The following GRM3 variants were observed in gnomAD, a reference collection of about 807,000 sequenced individuals.
The protein encoded by GRM3 is metabotropic glutamate receptor 3.
Under a neutral mutation model 70.5 loss-of-function variants are expected in GRM3, and 26 were observed. The ratio of observed to expected loss-of-function variants is 0.37; its 90% CI spans 0.27 to 0.51. The LOEUF (loss-of-function observed/expected upper bound fraction) is 0.51, where lower values mean the gene tolerates loss of function less well. Among genes scored for constraint, GRM3 ranks in the 20% least tolerant of loss-of-function variants. GRM3 has a pLI of 0.93. For missense variants in GRM3, 859 were observed against 1,123.8 expected, an observed-to-expected ratio of 0.76 and a Z score of 3.37; for synonymous variants, 443 against 434.9, an observed-to-expected ratio of 1.02 and a Z score of -0.23.
intron 3 of GRM3, among the ~76,000 whole-genome samples, chr7:86,824,626 T>C (rs1798194312): frequency 6.6e-6 from 1 of 152,176 alleles, no homozygotes; most frequent in African/African-American, 2.4e-5. Flanking sequence ...GCTTCATAAT[T>C]ACACACCTAG....
intron 5 of GRM3, among the ~76,000 whole-genome samples, chr7:86,862,484 T>C (rs1798978828): frequency 6.6e-6 from 1 of 152,142 alleles, no homozygotes; most frequent in Non-Finnish European, 1.5e-5. Flanking sequence ...AATTTCTTCA[T>C]TGTAGCAGTT....
chr7:86,857,968 A>AT (rs397842626), intron 5 of GRM3, among the ~76,000 whole-genome samples: 3 of 122,412 alleles, frequency 2.5e-5, no homozygotes, highest in East Asian at 2.1e-4. Flanking sequence ...ATTTTATTTT[A>AT]TTTTTTGAGA....
chr7:86,701,654 T>C (rs1425165061), intron 1 of GRM3, among the ~76,000 whole-genome samples: 3 of 152,112 alleles, frequency 2.0e-5, no homozygotes, highest in Non-Finnish European at 4.4e-5. Flanking sequence ...GTGTAACTAC[T>C]CAAACTTATT....
intron 3 of GRM3, among the ~76,000 whole-genome samples, chr7:86,820,763 C>A (rs1798103242): frequency 6.6e-6 from 1 of 152,074 alleles, no homozygotes; most frequent in African/African-American, 2.4e-5. Context: ...TATCAAAAAT[C>A]TTTTATGTTC....
At chr7:86,767,463 A>G (rs1796628119) in intron 2 of GRM3, among the ~76,000 whole-genome samples, 1 of 148,492 alleles carries the variant, frequency 6.7e-6, no homozygotes, top group Admixed American at 6.8e-5. Flanking sequence ...ACTTGGATAA[A>G]GAGAGATGAA....
At chr7:86,725,626 C>G (rs994585908) in intron 1 of GRM3, among the ~76,000 whole-genome samples, 2 of 152,146 alleles carry the variant, frequency 1.3e-5, no homozygotes, top group African/African-American at 4.8e-5. Context: ...TAGGACAGCT[C>G]TCTTTGGAAA....
At chr7:86,817,583 A>G (rs1241173178) in intron 3 of GRM3, among the ~76,000 whole-genome samples, 1 of 151,958 alleles carries the variant, frequency 6.6e-6, no homozygotes, top group Non-Finnish European at 1.5e-5. Context: ...ATTATGGAAA[A>G]TTTAAAGTAC....
At chr7:86,731,885 C>T (rs1795743135) in intron 1 of GRM3, among the ~76,000 whole-genome samples, 1 of 152,118 alleles carries the variant, frequency 6.6e-6, no homozygotes, top group South Asian at 2.1e-4. Context: ...ATGACCAAGG[C>T]TAGTGACTGA....
rs1408066072 is a variant in GRM3, at chr7:86,765,220, C to A, written c.75C>A (p.Asp25Glu). The A allele has an allele frequency of 5.0e-6, 8 of 1,613,194 alleles. No individual in the cohort carries two copies. The highest frequency in any genetic ancestry group is 2.2e-5 in the South Asian group (2 of 91,034). Reference sequence around the variant, plus strand: ...AGGGATTTTTACTCTCTTTAGGGGACCATAACTTTCTAAGGAGAGAGATTA... The same window carrying A: ...AGGGATTTTTACTCTCTTTAGGGGAACATAACTTTCTAAGGAGAGAGATTA... ...FSKGFLLSLG[D>E]HNFLRREIKI... is the part of the protein sequence containing the mutation. Residue 25 changes from aspartate to glutamate, a missense_variant, in exon 2 of 6, where the codon GAC becomes GAA. Physicochemically the swap from Asp to Glu is conservative, Grantham distance 45. Transcript: ENST00000361669.
Position 86,786,209 on chromosome 7 carries a change from C to T in GRM3, c.469-52C>T. 1 of 1,496,318 alleles carries T rather than the reference C, an allele frequency of 6.7e-7. No individual in the cohort carries two copies. The highest frequency in any genetic ancestry group is 9.1e-7 in the Non-Finnish European group (1 of 1,098,186). The allele number at this position is 1,496,318 out of a possible 1,614,324, so 92.7% of individuals were successfully genotyped here. A position where few individuals can be genotyped will look rare whatever the true frequency, so the allele number is the denominator to read the frequency against. Reference sequence around the variant, plus strand: ...GGATGCTATTATTCATTTTCATGTCCAGTCATCTACCTCGGGGTTTCTAAC... The same window carrying T: ...GGATGCTATTATTCATTTTCATGTCTAGTCATCTACCTCGGGGTTTCTAAC... On this transcript the variant is annotated intron_variant, in intron 2 of 5. Transcript: ENST00000361669. The surrounding 1 kb of genome is among the most constrained non-coding windows in gnomAD (Gnocchi z 6.0).
At chr7:86,689,696 T>C (rs1794653709) in intron 1 of GRM3, among the ~76,000 whole-genome samples, 1 of 152,106 alleles carries the variant, frequency 6.6e-6, no homozygotes, top group Non-Finnish European at 1.5e-5. Context: ...GAAGTAACTT[T>C]TGAATTAAAA....
intron 1 of GRM3, among the ~76,000 whole-genome samples, chr7:86,689,105 C>A (rs116643110): frequency 0.033 from 5,053 of 150,896 alleles, 274 homozygotes; most frequent in African/African-American, 0.12. Flanking sequence ...GAAAGGGAAC[C>A]AAGACATTAA....
chr7:86,773,180 T>C (rs577248484), intron 2 of GRM3, among the ~76,000 whole-genome samples: 1 of 152,092 alleles, frequency 6.6e-6, no homozygotes, highest in East Asian at 1.9e-4. Context: ...GTTCCCAGTG[T>C]CTACTGTTGC....
At chr7:86,655,820 C>CTGTGTGTGTG (rs371609030) in intron 1 of GRM3, among the ~76,000 whole-genome samples, 25 of 144,550 alleles carry the variant, frequency 1.7e-4, no homozygotes, top group Admixed American at 1.7e-3. Context: ...AAGGCTAACT[C>CTGTGTGTGTG]TGTGTGTGTG....
intron 3 of GRM3, among the ~76,000 whole-genome samples, chr7:86,833,710 G>A (rs1798401703): frequency 6.6e-6 from 1 of 152,146 alleles, no homozygotes; most frequent in African/African-American, 2.4e-5. Flanking sequence ...GACATATGTG[G>A]TTCACCTTTT....
intron 3 of GRM3, among the ~76,000 whole-genome samples, chr7:86,803,554 AAATAAAGTAAGAGT>A (rs1384219930): frequency 1.3e-5 from 2 of 152,226 alleles, no homozygotes; most frequent in Admixed American, 6.5e-5. Context: ...ACACTTTTAG[AAATAAAGTAAGAGT>A]AATTAATTTG....
chr7:86,668,946 T>C (rs1219673623), intron 1 of GRM3, among the ~76,000 whole-genome samples: 1 of 152,146 alleles, frequency 6.6e-6, no homozygotes, highest in East Asian at 1.9e-4. Context: ...TGCTTTCTCA[T>C]AACTGTGGGT....
At chr7:86,746,543 T>C (rs1361493578) in intron 1 of GRM3, among the ~76,000 whole-genome samples, 2 of 151,460 alleles carry the variant, frequency 1.3e-5, no homozygotes, top group Non-Finnish European at 2.9e-5. Flanking sequence ...CTCAACACCT[T>C]TATTCTACAA....
chr7:86,716,099 A>G (rs980897974), intron 1 of GRM3, among the ~76,000 whole-genome samples: 8 of 152,020 alleles, frequency 5.3e-5, no homozygotes, highest in African/African-American at 1.9e-4. Flanking sequence ...GTCATTTGAC[A>G]GGTGGATGGT....
Sources: gnomAD v4.1 joint callset for allele counts (sites outside exome capture counted in the v4.1 genomes callset) on GRCh38, gnomAD v4.1.1 for gene constraint, Gnocchi (gnomAD v3.1) non-coding constraint, MANE v1.5 for transcripts, NCBI Gene and HGNC (gene_info 2026-07-23, HGNC 2026-07-21) for gene names.